Variants in SLC45A4 observed in about 807,000 individuals in gnomAD.
SLC45A4 encodes polyamine-transporter SLC45A4.
SLC45A4 carries 32 observed loss-of-function variants against 63.7 expected under a neutral mutation model. That is an observed-to-expected ratio of 0.50 (90% CI 0.38 to 0.67). SLC45A4 has a LOEUF of 0.67. Ranked by LOEUF, SLC45A4 falls within the 30% of genes least tolerant of loss-of-function variation. SLC45A4 has a pLI of 0.00. For missense variants in SLC45A4, 1,027 were observed against 1,157.7 expected (o/e 0.89, Z 1.64); for synonymous variants, 535 against 510.0 (o/e 1.05, Z -0.66).
chr8:141,302,993 C>CTT (rs55974270), intron 1 of SLC45A4, among the ~76,000 whole-genome samples: 4 of 97,258 alleles, frequency 4.1e-5, no homozygotes, highest in African/African-American at 1.4e-4. Flanking sequence ...CTTACAATGT[C>CTT]TTTTTTTTTT....
chr8:141,270,526 C>A (rs1462673192), intron 1 of SLC45A4, among the ~76,000 whole-genome samples: 2 of 151,872 alleles, frequency 1.3e-5, no homozygotes, highest in Non-Finnish European at 2.9e-5. Context: ...AAAAAATTAG[C>A]CAGGTGTGGT....
At chr8:141,242,945 G>T (rs1827989116) in intron 2 of SLC45A4, among the ~76,000 whole-genome samples, 1 of 152,240 alleles carries the variant, frequency 6.6e-6, no homozygotes, top group South Asian at 2.1e-4. Context: ...ACCTAAGCCA[G>T]CCCGTGTGCA....
intron 2 of SLC45A4, among the ~76,000 whole-genome samples, chr8:141,247,224 A>AT (rs1199376288): frequency 1.9e-5 from 2 of 102,826 alleles, no homozygotes; most frequent in Admixed American, 1.8e-4. Context: ...GTTTGGCAAA[A>AT]TTGCAAGGTA....
intron 1 of SLC45A4, among the ~76,000 whole-genome samples, chr8:141,275,196 C>T (rs1180400139): frequency 2.6e-5 from 4 of 152,200 alleles, no homozygotes; most frequent in Non-Finnish European, 4.4e-5. Context: ...TATAGTTCAG[C>T]GAGCAGCCCC....
chr8:141,278,684 G>A lies in SLC45A4; in HGVS notation c.-400-24055C>T, dbSNP rs762946107. ...AGCAAGTGGAGGAAATAGAGGAACT[G>A]TGAGTGAGCAGAAAAATGCAATGCA... On this transcript the variant is annotated intron_variant, in intron 1 of 8. Transcript: ENST00000517878. This position sits in a 1 kb window ranked among gnomAD's most constrained non-coding sequence, Gnocchi z 4.1. Among the ~76,000 whole-genome samples the A allele has an allele frequency of 1.2e-4, 18 of 152,394 alleles. No individual in the cohort carries two copies. The highest frequency in any genetic ancestry group is 2.5e-4 in the Non-Finnish European group (17 of 68,040).
chr8:141,276,760 A>G (rs919475928), intron 1 of SLC45A4, among the ~76,000 whole-genome samples: 8 of 152,198 alleles, frequency 5.3e-5, no homozygotes, highest in Non-Finnish European at 8.8e-5. Context: ...ACCACAGGAC[A>G]TGGTCTGCTA....
At chr8:141,252,422 C>A (rs1226191760) in intron 2 of SLC45A4, 8 of 158,970 alleles carry the variant, frequency 5.0e-5, no homozygotes, top group Non-Finnish European at 9.8e-5. Flanking sequence ...TGTTTTCACG[C>A]CCACCTGCGT....
intron 1 of SLC45A4, among the ~76,000 whole-genome samples, chr8:141,301,863 GGA>G (rs1830756372): frequency 6.6e-6 from 1 of 151,908 alleles, no homozygotes; most frequent in Non-Finnish European, 1.5e-5. Context: ...TCAGGAGGCT[GGA>G]GAGAGAGAAT....
At chr8:141,300,007 C>T (rs1830690379) in intron 1 of SLC45A4, among the ~76,000 whole-genome samples, 1 of 152,142 alleles carries the variant, frequency 6.6e-6, no homozygotes, top group Non-Finnish European at 1.5e-5. Flanking sequence ...TAGAACACGA[C>T]CGTGGAACTG....
intron 1 of SLC45A4, among the ~76,000 whole-genome samples, chr8:141,298,519 C>G (rs564100654): frequency 2.6e-5 from 4 of 152,224 alleles, no homozygotes; most frequent in Non-Finnish European, 5.9e-5. Flanking sequence ...CAGTGCCCAA[C>G]AAGAGGGCAA....
chr8:141,283,715 A>G (rs1054460072), intron 1 of SLC45A4, among the ~76,000 whole-genome samples: 5 of 152,346 alleles, frequency 3.3e-5, no homozygotes, highest in African/African-American at 1.2e-4. Context: ...GTGTGGGTAC[A>G]GCCCAGCCAC....
In SLC45A4 at chr8:141,256,869, T is replaced by G; in HGVS notation, c.-400-2240A>C. 1 of 344,848 alleles carries G rather than the reference T, an allele frequency of 2.9e-6. No individual in the cohort carries two copies. The highest frequency in any genetic ancestry group is 5.8e-6 in the Non-Finnish European group (1 of 173,018). 21.4% of individuals were successfully genotyped at this position (344,848 alleles called of 1,614,324 possible). The stretch of plus-strand genomic sequence containing the variant: ...AACTGTGTAATGAAACTTTTTTTTT[T>G]TTTTGAGACAGTCTCGCTCTGTTGC... On this transcript the variant is annotated intron_variant, in intron 1 of 8. Transcript: ENST00000517878. This position sits in a 1 kb window ranked among gnomAD's most constrained non-coding sequence, Gnocchi z 4.3.
At chr8:141,228,675 T>C (rs1827175814) in intron 2 of SLC45A4, 2 of 979,848 alleles carry the variant, frequency 2.0e-6, no homozygotes, top group Non-Finnish European at 2.5e-6. Context: ...AACAACCGTA[T>C]GGCCTTTGGC....
At position 141,308,078 on chromosome 8, in the gene SLC45A4, G is replaced by T; in HGVS notation, c.-401+18C>A. On this transcript the variant is annotated intron_variant, in intron 1 of 8. Coordinates refer to ENST00000517878, the MANE Select transcript of SLC45A4 (RefSeq NM_001286646.2). ...AGGGGGCGGCGGGGCAGGCGGCTGCGGGCGGCAGGCCACTCACCTGTCTCC... is the reference window on the plus strand; with the variant it reads ...AGGGGGCGGCGGGGCAGGCGGCTGCTGGCGGCAGGCCACTCACCTGTCTCC... 1 of 150,970 alleles carries T rather than the reference G, an allele frequency of 6.6e-6. No individual in the cohort carries two copies. Among genetic ancestry groups the T allele is most frequent in the South Asian group, 1.8e-4 (1 of 5,644 alleles). 9.4% of individuals were successfully genotyped at this position (150,970 alleles called of 1,614,324 possible). A position where few individuals can be genotyped will look rare whatever the true frequency, so the allele number is the denominator to read the frequency against.
intron 5 of SLC45A4, 57 bp from the exon 6 acceptor site, chr8:141,217,246 G>A: frequency 6.4e-7 from 1 of 1,563,196 alleles, no homozygotes. Context: ...CTCCAGGCCA[G>A]GAGCGTATTT....
intron 1 of SLC45A4, among the ~76,000 whole-genome samples, chr8:141,259,215 C>T (rs1828944296): frequency 6.6e-6 from 1 of 152,226 alleles, no homozygotes. Context: ...CCAGAGTATC[C>T]GCATGGCCAC....
At chr8:141,222,298 C>A (rs899748618) in intron 2 of SLC45A4, among the ~76,000 whole-genome samples, 3 of 152,226 alleles carry the variant, frequency 2.0e-5, no homozygotes, top group Non-Finnish European at 2.9e-5. Context: ...CATGGAGGGT[C>A]CTGCAGAGGG....
rs555602695 is a variant in SLC45A4, at chr8:141,229,877, G to A, written c.242-8112C>T. On this transcript the variant is annotated intron_variant, in intron 2 of 8. Coordinates refer to ENST00000517878, the MANE Select transcript of SLC45A4 (RefSeq NM_001286646.2). The surrounding 1 kb of genome is among the most constrained non-coding windows in gnomAD (Gnocchi z 5.0). The stretch of plus-strand genomic sequence containing the variant: ...AACGTGCTGCCCTGCATGTAAAGGG[G>A]CACGCTGGGAAAGGTGGGCATTATG... Among the ~76,000 whole-genome samples the A allele has an allele frequency of 2.6e-5, 4 of 152,330 alleles. No individual in the cohort carries two copies. The highest frequency in any genetic ancestry group is 1.9e-4 in the East Asian group (1 of 5,172).
At chr8:141,264,982 TATTC>T (rs1477147273) in intron 1 of SLC45A4, among the ~76,000 whole-genome samples, 3 of 152,230 alleles carry the variant, frequency 2.0e-5, no homozygotes, top group Non-Finnish European at 4.4e-5. Context: ...TAATTAAGGC[TATTC>T]ATTCTTATAT....
Sources: allele counts gnomAD v4.1 joint callset (sites outside exome capture counted in the v4.1 genomes callset), GRCh38; gene constraint gnomAD v4.1.1; non-coding constraint Gnocchi (gnomAD v3.1); transcripts MANE v1.5; gene names NCBI Gene and HGNC (gene_info 2026-07-23, HGNC 2026-07-21).